The following NSMAF variants were observed in gnomAD, a reference collection of about 807,000 sequenced individuals.
The protein encoded by NSMAF is neutral sphingomyelinase activation associated factor.
NSMAF carries 90 observed loss-of-function variants against 134.9 expected under a neutral mutation model. The observed-to-expected ratio is 0.67, with a 90% CI of 0.56 to 0.79. The LOEUF (loss-of-function observed/expected upper bound fraction) is 0.79, where lower values mean the gene tolerates loss of function less well. Ranked by LOEUF, NSMAF falls within the 30% of genes least tolerant of loss-of-function variation. NSMAF has a pLI of 0.00. For missense variants in NSMAF, 1,010 were observed against 1,119.0 expected (o/e 0.90, Z 1.39); for synonymous variants, 358 against 389.6 (o/e 0.92, Z 0.96).
intron 9 of NSMAF, among the ~76,000 whole-genome samples, chr8:58,619,111 T>C (rs945512067): frequency 6.6e-6 from 1 of 152,144 alleles, no homozygotes; most frequent in African/African-American, 2.4e-5. Flanking sequence ...CTTTCTAAAA[T>C]GGAAACTATT....
chr8:58,601,065 AG>A (rs1236369884), intron 16 of NSMAF: 1 of 402,128 alleles, frequency 2.5e-6, no homozygotes, highest in Non-Finnish European at 4.4e-6. Flanking sequence ...ATTTAATATT[AG>A]GCTACAAAAG....
chr8:58,606,080 C>A (rs776523525), intron 11 of NSMAF, 45 bp from the exon 12 acceptor site: 2 of 947,336 alleles, frequency 2.1e-6, no homozygotes, highest in African/African-American at 1.7e-5. Context: ...GCATTGTATT[C>A]ATCTTGCAAT....
At chr8:58,612,415 C>T (rs765838103) in intron 9 of NSMAF, among the ~76,000 whole-genome samples, 1 of 152,216 alleles carries the variant, frequency 6.6e-6, no homozygotes, top group Non-Finnish European at 1.5e-5. Flanking sequence ...CAGGACCCTT[C>T]CTTCCAGATA....
At chr8:58,637,163 A>G in intron 2 of NSMAF, 1 of 318,668 alleles carries the variant, frequency 3.1e-6, no homozygotes, top group South Asian at 2.6e-5. Flanking sequence ...TTTTTGGCCC[A>G]ATGTCAGCAT....
At chr8:58,587,553 T>A in intron 27 of NSMAF, 65 bp downstream of exon 27, 1 of 1,394,704 alleles carries the variant, frequency 7.2e-7, no homozygotes, top group East Asian at 2.3e-5. Flanking sequence ...ACCAAAAACC[T>A]TCTTCCAGCC....
At chr8:58,648,171 G>A (rs540761686) in intron 1 of NSMAF, among the ~76,000 whole-genome samples, 2 of 152,338 alleles carry the variant, frequency 1.3e-5, no homozygotes, top group African/African-American at 4.8e-5. Flanking sequence ...TTGTGTCCAT[G>A]TTCTAGGGAT....
At chr8:58,619,986 G>A (rs4266636) in intron 9 of NSMAF, among the ~76,000 whole-genome samples, 48,051 of 151,998 alleles carry the variant, frequency 0.32, 7,924 homozygotes, top group Non-Finnish European at 0.35. Context: ...ATAATAATTA[G>A]CTTAGTGGTA....
At chr8:58,656,122 A>C (rs1259665154) in intron 1 of NSMAF, among the ~76,000 whole-genome samples, 1 of 151,648 alleles carries the variant, frequency 6.6e-6, no homozygotes, top group Non-Finnish European at 1.5e-5. Flanking sequence ...AGGTTCAAGC[A>C]ATTCTCCTGC....
At chr8:58,643,625 G>A (rs575612106) in intron 1 of NSMAF, among the ~76,000 whole-genome samples, 4 of 151,610 alleles carry the variant, frequency 2.6e-5, no homozygotes, top group South Asian at 4.2e-4. Context: ...TCCACCTCCC[G>A]GGTTCAAGTA....
At chr8:58,639,246 T>C (rs1271584545) in intron 2 of NSMAF, among the ~76,000 whole-genome samples, 3 of 150,922 alleles carry the variant, frequency 2.0e-5, no homozygotes, top group South Asian at 2.1e-4. Flanking sequence ...ATCACGCCAC[T>C]GCACTTCAGC....
intron 12 of NSMAF, 109 bp downstream of exon 12, chr8:58,605,818 T>G: frequency 8.5e-7 from 1 of 1,176,862 alleles, no homozygotes. Flanking sequence ...AGGCGGAGGT[T>G]GCAGTGAGCC....
chr8:58,655,362 T>G (rs1807679800), intron 1 of NSMAF, among the ~76,000 whole-genome samples: 3 of 152,080 alleles, frequency 2.0e-5, no homozygotes, highest in African/African-American at 7.2e-5. Flanking sequence ...ACAATTTGCC[T>G]ACTTTAGTCT....
At chr8:58,631,423 A>T in intron 6 of NSMAF, 73 bp downstream of exon 6, 2 of 837,608 alleles carry the variant, frequency 2.4e-6, no homozygotes, top group South Asian at 1.7e-5. Flanking sequence ...TAAAGATGTT[A>T]ATAGAGTCAC....
intron 1 of NSMAF, among the ~76,000 whole-genome samples, chr8:58,654,036 G>GA (rs199575456): frequency 3.9e-4 from 59 of 150,816 alleles, no homozygotes; most frequent in African/African-American, 1.0e-3. Context: ...TTTCATGTGA[G>GA]AAAAAAAAAC....
intron 5 of NSMAF, among the ~76,000 whole-genome samples, chr8:58,634,977 C>T (rs183477539): frequency 2.6e-5 from 4 of 152,266 alleles, no homozygotes; most frequent in Admixed American, 6.5e-5. Flanking sequence ...AGGACAAAAC[C>T]GCAAGCCCAC....
rs747385239 is a variant in NSMAF, at chr8:58,589,435, T to A, written c.2211+17A>T. The A allele has an allele frequency of 7.0e-7, 1 of 1,432,474 alleles. No homozygotes were observed. 88.7% of individuals were successfully genotyped at this position (1,432,474 alleles called of 1,614,324 possible). A position where few individuals can be genotyped will look rare whatever the true frequency, so the allele number is the denominator to read the frequency against. ...TAGCACACCAAGTTAAAAAAACTTT[T>A]TAAATTATATATGAACCTTCACTGT... On this transcript the variant is annotated intron_variant, in intron 26 of 30. Transcript: ENST00000038176.
At chr8:58,584,838 T>C (rs188918089) in intron 30 of NSMAF, among the ~76,000 whole-genome samples, 1 of 152,270 alleles carries the variant, frequency 6.6e-6, no homozygotes, top group East Asian at 1.9e-4. Context: ...GAGGTTTCGC[T>C]ATGTTGCCAA....
chr8:58,647,833 T>C (rs1158632946), intron 1 of NSMAF, among the ~76,000 whole-genome samples: 1 of 152,142 alleles, frequency 6.6e-6, no homozygotes, highest in East Asian at 1.9e-4. Flanking sequence ...AGGAATTTCT[T>C]TATAGCAAAA....
At chr8:58,653,785 A>T (rs1807640049) in intron 1 of NSMAF, among the ~76,000 whole-genome samples, 1 of 152,102 alleles carries the variant, frequency 6.6e-6, no homozygotes, top group Admixed American at 6.5e-5. Flanking sequence ...GAATTCCTTA[A>T]ATGACCATTC....
Sources: gnomAD v4.1 joint callset for allele counts (sites outside exome capture counted in the v4.1 genomes callset) on GRCh38, gnomAD v4.1.1 for gene constraint, MANE v1.5 for transcripts, NCBI Gene and HGNC (gene_info 2026-07-23, HGNC 2026-07-21) for gene names.